C1orf94: variants seen among roughly 807,000 people sequenced by gnomAD.
C1orf94 encodes uncharacterized protein C1orf94.
In C1orf94, 45 loss-of-function variants were observed where a neutral mutation model predicts 53.6. That is an observed-to-expected ratio of 0.84 (90% CI 0.66 to 1.08). The LOEUF (loss-of-function observed/expected upper bound fraction) is 1.08, where lower values mean the gene tolerates loss of function less well. Among genes scored for constraint, C1orf94 ranks in the 50% least tolerant of loss-of-function variants. The probability of loss-of-function intolerance (pLI) is 0.00; values close to 1 mark genes in which losing one functional copy is unlikely to be tolerated. For missense variants in C1orf94, 762 were observed against 738.9 expected (o/e 1.03, Z -0.36); for synonymous variants, 304 against 296.1 (o/e 1.03, Z -0.27).
chr1:34,211,387 G>T (rs573774551), intron 5 of C1orf94, among the ~76,000 whole-genome samples: 1 of 152,132 alleles, frequency 6.6e-6, no homozygotes, highest in African/African-American at 2.4e-5. Context: ...GATGGATGAG[G>T]TCTCTGACTT....
chr1:34,180,442 T>C (rs1642296317), intron 1 of C1orf94, among the ~76,000 whole-genome samples: 1 of 152,250 alleles, frequency 6.6e-6, no homozygotes, highest in African/African-American at 2.4e-5. Flanking sequence ...CTGGTTTCAA[T>C]TGCTACCTCC....
chr1:34,179,189 ACT>A (rs1642276847), intron 1 of C1orf94, among the ~76,000 whole-genome samples: 1 of 152,242 alleles, frequency 6.6e-6, no homozygotes, highest in Non-Finnish European at 1.5e-5. Flanking sequence ...GGGCTCATTT[ACT>A]TACTGCAGAT....
intron 1 of C1orf94, among the ~76,000 whole-genome samples, chr1:34,189,685 G>GA (rs1028462978): frequency 1.3e-5 from 2 of 152,194 alleles, no homozygotes; most frequent in African/African-American, 4.8e-5. Context: ...ATGATAAGGG[G>GA]CCTCTCCTAG....
chr1:34,200,738 C>A (rs1642690017), intron 2 of C1orf94, 34 bp from the exon 3 acceptor site: 6 of 1,611,526 alleles, frequency 3.7e-6, no homozygotes, highest in Non-Finnish European at 5.1e-6. Context: ...CTTGGCCTTC[C>A]AGAGGCATTG....
At chr1:34,168,140 A>C (rs1642078617) in intron 1 of C1orf94, among the ~76,000 whole-genome samples, 1 of 152,162 alleles carries the variant, frequency 6.6e-6, no homozygotes, top group African/African-American at 2.4e-5. Context: ...GCAACGGTGG[A>C]AGATGGGATC....
At chr1:34,208,371 T>A in intron 5 of C1orf94, 137 bp downstream of exon 5, 1 of 813,640 alleles carries the variant, frequency 1.2e-6, no homozygotes, top group Non-Finnish European at 2.0e-6. Flanking sequence ...CAGACTCACA[T>A]ACCGGCATGC....
At chr1:34,173,114 T>C (rs551495734), upstream of C1orf94, among the ~76,000 whole-genome samples, 8 of 152,314 alleles carry the variant, frequency 5.3e-5, no homozygotes, top group African/African-American at 1.9e-4. Flanking sequence ...TTGGATTTAG[T>C]AGTCATAAAA....
intron 1 of C1orf94, among the ~76,000 whole-genome samples, chr1:34,185,913 G>A (rs1642378311): frequency 6.6e-6 from 1 of 152,160 alleles, no homozygotes; most frequent in Non-Finnish European, 1.5e-5. Context: ...AAACCAACAA[G>A]AGCTACCAGC....
At chr1:34,179,106 G>A (rs1642275506) in intron 1 of C1orf94, among the ~76,000 whole-genome samples, 1 of 152,246 alleles carries the variant, frequency 6.6e-6, no homozygotes, top group Non-Finnish European at 1.5e-5. Flanking sequence ...TTTCAGGGAT[G>A]CCTAAGCAAG....
At chr1:34,205,190 G>A (rs1470558980) in intron 4 of C1orf94, among the ~76,000 whole-genome samples, 2 of 152,126 alleles carry the variant, frequency 1.3e-5, no homozygotes, top group Non-Finnish European at 2.9e-5. Flanking sequence ...GAGGTTCCTG[G>A]GCTTCTGAGC....
chr1:34,185,932 G>A (rs1173436563), intron 1 of C1orf94, among the ~76,000 whole-genome samples: 1 of 152,204 alleles, frequency 6.6e-6, no homozygotes, highest in Non-Finnish European at 1.5e-5. Context: ...GCAGGTGCAT[G>A]TCACCTTGCC....
In C1orf94 at chr1:34,197,978, T is replaced by C; in HGVS notation, c.1009+65T>C. ...GAGGAGGTCCTTCCCAGGAAGCCAA[T>C]CAGGGCTGCAGCATGTACATAAAGC... On this transcript the variant is annotated intron_variant, in intron 2 of 6. Transcript: ENST00000488417. This position sits in a 1 kb window ranked among gnomAD's most constrained non-coding sequence, Gnocchi z 4.1. 6.8e-7 allele frequency: 1 copy of C among 1,467,300 alleles called. No homozygotes were observed. The highest frequency in any genetic ancestry group is 1.3e-5 in the South Asian group (1 of 74,900). The allele number at this position is 1,467,300 out of a possible 1,614,324, so 90.9% of individuals were successfully genotyped here. A position where few individuals can be genotyped will look rare whatever the true frequency, so the allele number is the denominator to read the frequency against.
intron 1 of C1orf94, among the ~76,000 whole-genome samples, chr1:34,171,381 G>A (rs530570064): frequency 8.5e-5 from 13 of 152,292 alleles, no homozygotes; most frequent in Non-Finnish European, 1.8e-4. Context: ...CTTACAAGCA[G>A]TATTTGTCAG....
Position 34,186,788 on chromosome 1 carries a change from G to A in C1orf94, c.320+8679G>A, listed in dbSNP as rs192022029. On this transcript the variant is annotated intron_variant, in intron 1 of 6. Transcript: ENST00000488417. ...CAGTGTGGGATTCTGATGAGGTGGT[G>A]GGCACCTGGCACATATCGTGTGCTG... Among the ~76,000 whole-genome samples, 222 of 152,286 alleles carry A rather than the reference G, an allele frequency of 1.5e-3. 1 individual carries two copies. The highest frequency in any genetic ancestry group is 5.2e-3 in the African/African-American group (215 of 41,552).
At chr1:34,193,459 C>T (rs1212458698) in intron 1 of C1orf94, among the ~76,000 whole-genome samples, 1 of 152,126 alleles carries the variant, frequency 6.6e-6, no homozygotes, top group Non-Finnish European at 1.5e-5. Flanking sequence ...AGTGATGGGA[C>T]GAAACCAGCA....
intron 4 of C1orf94, among the ~76,000 whole-genome samples, chr1:34,202,958 A>G (rs894715452): frequency 1.2e-4 from 19 of 152,272 alleles, no homozygotes; most frequent in African/African-American, 4.3e-4. Context: ...TTTACATAGT[A>G]CATTATTAGG....
intron 1 of C1orf94, among the ~76,000 whole-genome samples, chr1:34,168,655 C>G (rs978497590): frequency 6.6e-6 from 1 of 152,196 alleles, no homozygotes; most frequent in African/African-American, 2.4e-5. Context: ...ACAGTTGGTT[C>G]CCTCTGAGGC....
Position 34,177,863 on chromosome 1 carries a change from C to A in C1orf94, c.74C>A (p.Ala25Asp). 6.4e-7 allele frequency: 1 copy of A among 1,551,246 alleles called. No homozygotes were observed. Among genetic ancestry groups the A allele is most frequent in the Non-Finnish European group, 8.7e-7 (1 of 1,146,648 alleles). The change falls in exon 1 of 7, where the codon GCC becomes GAC. Residue 25 changes from alanine to aspartate, a missense_variant. Ala to Asp is a moderately radical substitution (Grantham distance 126). Transcript: ENST00000488417. ...TTCCAGAAAGAGAGGAGGAGGATGGCCAGCGGGAATGGGCTTCCTTCATCC... is the reference window on the plus strand; with the variant it reads ...TTCCAGAAAGAGAGGAGGAGGATGGACAGCGGGAATGGGCTTCCTTCATCC... ...RGFQKERRRM[A>D]SGNGLPSSSA...
intron 1 of C1orf94, among the ~76,000 whole-genome samples, chr1:34,192,986 G>A (rs760508542): frequency 7.2e-5 from 11 of 152,194 alleles, no homozygotes; most frequent in Non-Finnish European, 1.0e-4. Context: ...AGGATTTTCA[G>A]CAGGGGAATG....
Sources: allele counts gnomAD v4.1 joint callset (sites outside exome capture counted in the v4.1 genomes callset), GRCh38; gene constraint gnomAD v4.1.1; non-coding constraint Gnocchi (gnomAD v3.1); transcripts MANE v1.5; gene names NCBI Gene and HGNC (gene_info 2026-07-23, HGNC 2026-07-21).